Variants in CEMIP observed in about 807,000 individuals in gnomAD.
The protein encoded by CEMIP is cell migration inducing hyaluronidase 1, also known as cell migration-inducing and hyaluronan-binding protein.
CEMIP carries 105 observed loss-of-function variants against 156.9 expected under a neutral mutation model. That is an observed-to-expected ratio of 0.67 (90% CI 0.57 to 0.79). CEMIP has a LOEUF of 0.79. Ranked by LOEUF, CEMIP falls within the 30% of genes least tolerant of loss-of-function variation. The probability of loss-of-function intolerance (pLI) is 0.00; values close to 1 mark genes in which losing one functional copy is unlikely to be tolerated. For synonymous variants in CEMIP, 676 were observed against 668.4 expected, an observed-to-expected ratio of 1.01 and a Z score of -0.17; for missense variants, 1,457 against 1,769.4, an observed-to-expected ratio of 0.82 and a Z score of 3.17.
In CEMIP at chr15:80,906,965, C is replaced by T; in HGVS notation, c.1587+127C>T. 1 of 1,018,984 alleles carries T rather than the reference C, an allele frequency of 9.8e-7. No individual in the cohort carries two copies. Among genetic ancestry groups the T allele is most frequent in the South Asian group, 1.4e-5 (1 of 72,316 alleles). 63.1% of individuals were successfully genotyped at this position (1,018,984 alleles called of 1,614,324 possible). On this transcript the variant is annotated intron_variant, in intron 13 of 29. Coordinates refer to ENST00000394685, the MANE Select transcript of CEMIP (RefSeq NM_001293298.2). The surrounding 1 kb of genome is among the most constrained non-coding windows in gnomAD (Gnocchi z 4.3). ...GGAGGTGGGATCAAGGGGAGGGCGC[C>T]TTCTGGAAGTTTGAGAAGTCTTATG... is the stretch of plus-strand genomic sequence containing the variant.
chr15:80,782,084 A>C (rs983212893), intron 1 of CEMIP, among the ~76,000 whole-genome samples: 1 of 152,242 alleles, frequency 6.6e-6, no homozygotes, highest in Non-Finnish European at 1.5e-5. Flanking sequence ...AAATCGGTCA[A>C]CTGTTTTCCC....
Position 80,861,481 on chromosome 15 carries a change from T to G in CEMIP, c.-175-12057T>G, listed in dbSNP as rs140031470. The stretch of plus-strand genomic sequence containing the variant: ...ATCCTCACTCTCCTTAAGCACTGAT[T>G]TTCTCCTCTTTGAAACAAAGGTCTT... On this transcript the variant is annotated intron_variant, in intron 1 of 29. Coordinates refer to ENST00000394685, the MANE Select transcript of CEMIP (RefSeq NM_001293298.2). Among the ~76,000 whole-genome samples, 270 of 152,336 alleles carry G rather than the reference T, an allele frequency of 1.8e-3. 6 individuals are homozygous for G. The highest frequency in any genetic ancestry group is 0.013 in the Admixed American group (192 of 15,306).
chr15:80,828,765 A>G (rs980013237), intron 1 of CEMIP, among the ~76,000 whole-genome samples: 2 of 152,200 alleles, frequency 1.3e-5, no homozygotes, highest in African/African-American at 4.8e-5. Context: ...TGTTTTTCTC[A>G]GTCTGTGTTG....
chr15:80,925,832 GAGCAA>G lies in CEMIP; in HGVS notation c.2420+82_2420+86del, dbSNP rs1900642667. The stretch of plus-strand genomic sequence containing the variant: ...CCCCTAGCCCCCTACAGAGACAGGA[GAGCAA>G]AGCAGAGAGGGGAAGCCAGACATAC... On this transcript the variant is annotated intron_variant, in intron 19 of 29. Transcript: ENST00000394685. The G allele has an allele frequency of 1.9e-6, 3 of 1,543,918 alleles. No individual in the cohort carries two copies. The South Asian group carries it at 3.6e-5, about 19-fold the overall frequency.
intron 1 of CEMIP, among the ~76,000 whole-genome samples, chr15:80,849,912 G>A (rs936257789): frequency 6.6e-6 from 1 of 152,248 alleles, no homozygotes; most frequent in African/African-American, 2.4e-5. Flanking sequence ...ACATGCTAGA[G>A]ATGAGTTGGC....
intron 1 of CEMIP, among the ~76,000 whole-genome samples, chr15:80,827,037 A>G (rs1236616427): frequency 6.6e-6 from 1 of 152,306 alleles, no homozygotes; most frequent in South Asian, 2.1e-4. Context: ...ACTCTTTCTA[A>G]GGTCATAGTT....
At position 80,881,352 on chromosome 15, in the gene CEMIP, G is replaced by A. The variant is rs560132889; in HGVS notation, c.617+216G>A. ...GCATGCACACATATGTACATACAAC[G>A]TAGTTTCAGATTGTGATAATTGGTA... On this transcript the variant is annotated intron_variant, in intron 6 of 29. Coordinates refer to ENST00000394685, the MANE Select transcript of CEMIP (RefSeq NM_001293298.2). Among the ~76,000 whole-genome samples the A allele has an allele frequency of 3.9e-5, 6 of 152,314 alleles. No individual in the cohort carries two copies. The East Asian group carries it at 7.7e-4, about 20-fold the overall frequency.
At chr15:80,910,590 T>G (rs767443244) in intron 14 of CEMIP, among the ~76,000 whole-genome samples, 4 of 152,238 alleles carry the variant, frequency 2.6e-5, no homozygotes, top group Non-Finnish European at 4.4e-5. Context: ...ATTTAAAACC[T>G]CCCACTGAGT....
At chr15:80,791,841 C>T (rs1896089883) in intron 1 of CEMIP, among the ~76,000 whole-genome samples, 1 of 152,182 alleles carries the variant, frequency 6.6e-6, no homozygotes. Context: ...GATAAAGGGA[C>T]AGCATTTCAA....
At chr15:80,794,998 G>A (rs539390357) in intron 1 of CEMIP, among the ~76,000 whole-genome samples, 35 of 152,138 alleles carry the variant, frequency 2.3e-4, no homozygotes, top group African/African-American at 8.4e-4. Flanking sequence ...CCAAGAGTGG[G>A]GGCAAGGATG....
In CEMIP at chr15:80,814,043, C is replaced by CTTTTTTTTTTTTTTT. The variant is rs778309859; in HGVS notation, c.-176+34440_-176+34454dup. On this transcript the variant is annotated intron_variant, in intron 1 of 29. Coordinates refer to ENST00000394685, the MANE Select transcript of CEMIP (RefSeq NM_001293298.2). ...AAAGGATAAAGTCCAAACTCTTTGGCTTTTTTTTTTTTTTTTTTTTTTTTT... is the reference window on the plus strand; with the variant it reads ...AAAGGATAAAGTCCAAACTCTTTGGCTTTTTTTTTTTTTTTTTTTTTTTTTTTTTTTTTTTTTTTT... Among the ~76,000 whole-genome samples, 2 of 73,744 alleles carry CTTTTTTTTTTTTTTT rather than the reference C, an allele frequency of 2.7e-5. 1 individual carries two copies. Among genetic ancestry groups the CTTTTTTTTTTTTTTT allele is most frequent in the African/African-American group, 1.2e-4 (2 of 17,086 alleles). The allele number at this position is 73,744 out of a possible 152,430, so 48.4% of individuals were successfully genotyped here.
intron 14 of CEMIP, among the ~76,000 whole-genome samples, chr15:80,910,644 C>T (rs1207185254): frequency 6.6e-6 from 1 of 152,160 alleles, no homozygotes; most frequent in Non-Finnish European, 1.5e-5. Flanking sequence ...CTAGGGGGGC[C>T]TGGGTTCAAG....
intron 1 of CEMIP, among the ~76,000 whole-genome samples, chr15:80,848,349 G>A (rs756582260): frequency 3.3e-5 from 5 of 152,132 alleles, no homozygotes; most frequent in African/African-American, 9.7e-5. Context: ...CTGGACAGCC[G>A]CCCCTCAACT....
intron 14 of CEMIP, among the ~76,000 whole-genome samples, chr15:80,910,455 CT>C (rs1900008276): frequency 6.6e-6 from 1 of 152,250 alleles, no homozygotes; most frequent in South Asian, 2.1e-4. Flanking sequence ...CAGAGCGAGC[CT>C]CGCCAACAGG....
rs1596082350 is a variant in CEMIP, at chr15:80,779,448, G to T, written c.-342G>T. 6.6e-6 allele frequency: 1 copy of T among 152,312 alleles called. No homozygotes were observed. Among genetic ancestry groups the T allele is most frequent in the South Asian group, 2.1e-4 (1 of 4,840 alleles). The allele number at this position is 152,312 out of a possible 1,614,324, so 9.4% of individuals were successfully genotyped here. A position where few individuals can be genotyped will look rare whatever the true frequency, so the allele number is the denominator to read the frequency against. On this transcript the variant is annotated 5_prime_UTR_variant, in exon 1 of 30. Coordinates refer to ENST00000394685, the MANE Select transcript of CEMIP (RefSeq NM_001293298.2). ...AGCGCAAGCGGCGCGGGGAGCCAGC[G>T]GGGCTGAGCGCGGCCAGGGTCTGAA...
At chr15:80,939,783 T>G (rs1030723150) in intron 25 of CEMIP, among the ~76,000 whole-genome samples, 1 of 152,172 alleles carries the variant, frequency 6.6e-6, no homozygotes, top group African/African-American at 2.4e-5. Flanking sequence ...CTCTTGGGCT[T>G]TTAAAAATCT....
Position 80,948,833 on chromosome 15 carries a change from G to A in CEMIP, c.3995G>A (p.Arg1332Gln), listed in dbSNP as rs539867295. Residue 1332 changes from arginine (R) to glutamine (Q), a missense_variant, in exon 30 of 30, where the codon CGG becomes CAG. By Grantham distance (43) the Arg-to-Gln change is conservative. This residue lies in a region of CEMIP where 798 missense variants were observed against 980.1 expected (regional missense o/e 0.81). Coordinates refer to ENST00000394685, the MANE Select transcript of CEMIP (RefSeq NM_001293298.2). Reference sequence around the variant, plus strand: ...TTCGTTGGCTTCAAAGGCAGCTTCCGGCCCATCTGGGTGACACTGGACACT... The same window carrying A: ...TTCGTTGGCTTCAAAGGCAGCTTCCAGCCCATCTGGGTGACACTGGACACT... Reference protein sequence around the residue: ...MAFVGFKGSFRPIWVTLDTED... With the variant: ...MAFVGFKGSFQPIWVTLDTED... 53 of 1,614,086 alleles carry A rather than the reference G, an allele frequency of 3.3e-5. No homozygotes were observed. The highest frequency in any genetic ancestry group is 5.3e-5 in the African/African-American group (4 of 74,936).
rs146732622 is a variant in CEMIP at position 80,941,819 on chromosome 15, C to A, written c.3408-30C>A. ...GAAGAGGGAGGTTTGAGTGTCCAAG[C>A]AAATGCCCAGCAATGCTCCTTGTGT... On this transcript the variant is annotated intron_variant, in intron 25 of 29. Transcript: ENST00000394685. The A allele has an allele frequency of 1.5e-3, 2,408 of 1,604,718 alleles. 45 individuals are homozygous for A. The African/African-American group carries it at 0.027, about 18-fold the overall frequency.
chr15:80,936,568 G>C, intron 23 of CEMIP, 106 bp from the exon 24 acceptor site: 1 of 989,364 alleles, frequency 1.0e-6, no homozygotes, highest in Non-Finnish European at 1.6e-6. Context: ...TCTGTAAAGA[G>C]AAAGTGCCTT....
Sources: gnomAD v4.1 joint callset for allele counts (sites outside exome capture counted in the v4.1 genomes callset) on GRCh38, gnomAD v4.1.1 for gene constraint, gnomAD v4.1.1 regional missense constraint, Gnocchi (gnomAD v3.1) non-coding constraint, MANE v1.5 for transcripts, NCBI Gene and HGNC (gene_info 2026-07-23, HGNC 2026-07-21) for gene names.